Variants in SUPT5H observed in about 807,000 individuals in gnomAD.
The protein encoded by SUPT5H is transcription elongation factor SPT5.
Under a neutral mutation model 142.5 loss-of-function variants are expected in SUPT5H, and 24 were observed. That is an observed-to-expected ratio of 0.17 (90% CI 0.12 to 0.24). The LOEUF (loss-of-function observed/expected upper bound fraction) is 0.24, where lower values mean the gene tolerates loss of function less well. Ranked by LOEUF, SUPT5H falls within the 10% of genes least tolerant of loss-of-function variation. The probability of loss-of-function intolerance (pLI) is 1.00; values close to 1 mark genes in which losing one functional copy is unlikely to be tolerated. For synonymous variants in SUPT5H, 546 were observed against 553.0 expected (o/e 0.99, Z 0.18); for missense variants, 893 against 1,471.8 (o/e 0.61, Z 6.43).
Position 39,459,706 on chromosome 19 carries a change from T to G in SUPT5H, c.555+117T>G, listed in dbSNP as rs933624142. On this transcript the variant is annotated intron_variant, in intron 9 of 29. Coordinates refer to ENST00000432763, the MANE Select transcript of SUPT5H (RefSeq NM_001111020.3). ...TGGCCTGCCAGTCACTTGGTCCTTC[T>G]GTCTCCATCCCTCACTCCACGTTAC... 1.4e-5 allele frequency: 20 copies of G among 1,400,032 alleles called. No homozygotes were observed. The Admixed American group carries it at 3.4e-4, about 24-fold the overall frequency. 86.7% of individuals were successfully genotyped at this position (1,400,032 alleles called of 1,614,324 possible). A position where few individuals can be genotyped will look rare whatever the true frequency, so the allele number is the denominator to read the frequency against.
chr19:39,461,885 A>G (rs1171129137), intron 10 of SUPT5H, among the ~76,000 whole-genome samples: 1 of 151,730 alleles, frequency 6.6e-6, no homozygotes, highest in South Asian at 2.1e-4. Flanking sequence ...ATCCTCCTAC[A>G]TGGTACCCTG....
intron 18 of SUPT5H, 60 bp from the exon 19 acceptor site, chr19:39,471,297 C>T (rs776752202): frequency 9.3e-6 from 15 of 1,604,338 alleles, no homozygotes; most frequent in Admixed American, 1.7e-5. Flanking sequence ...TAGGGAACCC[C>T]TGCCCCGTGT....
chr19:39,453,257 G>C, intron 2 of SUPT5H, 99 bp from the exon 3 acceptor site: 1 of 1,412,820 alleles, frequency 7.1e-7, no homozygotes, highest in Non-Finnish European at 9.4e-7. Flanking sequence ...GCTATGATTG[G>C]CCAGGCCAAT....
intron 2 of SUPT5H, among the ~76,000 whole-genome samples, chr19:39,448,575 G>A (rs969231747): frequency 2.0e-5 from 3 of 151,392 alleles, no homozygotes; most frequent in African/African-American, 7.3e-5. Flanking sequence ...CACCCCCGCC[G>A]CTGGCTCCTC....
chr19:39,453,844 C>T lies in SUPT5H; in HGVS notation c.241+323C>T, dbSNP rs370114546. ...CCTCCCAAAATGCTGGGATTACAGG[C>T]GTGAAGGACCAAAGTTCTTAACTTT... On this transcript the variant is annotated intron_variant, in intron 3 of 29. Coordinates refer to ENST00000432763, the MANE Select transcript of SUPT5H (RefSeq NM_001111020.3). Among the ~76,000 whole-genome samples, 78 of 152,258 alleles carry T rather than the reference C, an allele frequency of 5.1e-4. 1 individual carries two copies. The South Asian group carries it at 0.013, about 25-fold the overall frequency.
intron 3 of SUPT5H, among the ~76,000 whole-genome samples, chr19:39,456,051 C>T (rs534482883): frequency 2.4e-4 from 35 of 147,728 alleles, no homozygotes; most frequent in Non-Finnish European, 4.8e-4. Context: ...CTCAGCTTCC[C>T]GAGTAGCTGG....
chr19:39,465,131 T>C, intron 11 of SUPT5H, 82 bp downstream of exon 11: 1 of 1,529,656 alleles, frequency 6.5e-7, no homozygotes, highest in African/African-American at 1.4e-5. Context: ...CCCACCCTCT[T>C]TGTGCTGCAG....
At chr19:39,459,443 T>C in intron 8 of SUPT5H, 116 bp from the exon 9 acceptor site, 6 of 1,425,758 alleles carry the variant, frequency 4.2e-6, no homozygotes, top group Non-Finnish European at 5.9e-6. Context: ...GGGAAGTCAG[T>C]GAGTGTGAGG....
At chr19:39,462,839 C>CT (rs71169597) in intron 10 of SUPT5H, among the ~76,000 whole-genome samples, 1,522 of 110,308 alleles carry the variant, frequency 0.014, 47 homozygotes, top group Non-Finnish European at 0.018. Flanking sequence ...CCTTAATTTT[C>CT]TTTTTTTTTT....
chr19:39,459,519 C>A, intron 8 of SUPT5H, 40 bp from the exon 9 acceptor site: 1 of 1,612,246 alleles, frequency 6.2e-7, no homozygotes, highest in Non-Finnish European at 8.5e-7. Flanking sequence ...TACTGAAGAT[C>A]CAGCTTCACT....
rs1462745518 is a variant in SUPT5H at position 39,473,964 on chromosome 19, G to A, written c.2494G>A (p.Ala832Thr). 1.7e-5 allele frequency: 27 copies of A among 1,613,816 alleles called. No individual in the cohort carries two copies. The highest frequency in any genetic ancestry group is 2.3e-5 in the Non-Finnish European group (27 of 1,179,960). The change falls in exon 26 of 30, where the codon GCT becomes ACT. Residue 832 changes from alanine (A) to threonine (T), a missense_variant and splice_region_variant. By Grantham distance (58) the Ala-to-Thr change is moderately conservative (BLOSUM62 0). This residue lies in a region of SUPT5H where 336 missense variants were observed against 546.5 expected (regional missense o/e 0.61). Transcript: ENST00000432763. The surrounding 1 kb of genome is among the most constrained non-coding windows in gnomAD (Gnocchi z 5.8). ...GTCAACAGACTTTTCTCCCAACAGGGCTGAGGAAGAATATGAGTATGCTTT... is the reference window on the plus strand; with the variant it reads ...GTCAACAGACTTTTCTCCCAACAGGACTGAGGAAGAATATGAGTATGCTTT... ...DPNNPNTPSR[A>T]EEEYEYAFDD...
chr19:39,453,611 C>G (rs779130756), intron 3 of SUPT5H, 90 bp downstream of exon 3: 19 of 1,394,164 alleles, frequency 1.4e-5, no homozygotes, highest in Non-Finnish European at 1.8e-5. Context: ...CGGAGTCTCG[C>G]TCTGTCGCCC....
intron 9 of SUPT5H, 95 bp from the exon 10 acceptor site, chr19:39,459,797 C>T: frequency 1.4e-6 from 2 of 1,420,474 alleles, no homozygotes; most frequent in Non-Finnish European, 2.0e-6. Flanking sequence ...CTCTCTTGGT[C>T]CTACTTTATT....
At chr19:39,450,624 G>A (rs564802451) in intron 2 of SUPT5H, among the ~76,000 whole-genome samples, 1 of 152,298 alleles carries the variant, frequency 6.6e-6, no homozygotes, top group South Asian at 2.1e-4. Context: ...GCTGAGCAGG[G>A]GAACAAATGG....
At chr19:39,471,789 C>T (rs1462579596) in intron 20 of SUPT5H, 59 bp downstream of exon 20, 3 of 1,568,478 alleles carry the variant, frequency 1.9e-6, no homozygotes, top group East Asian at 2.2e-5. Flanking sequence ...CTCCAAGCCT[C>T]CTCTGGCCCC....
rs1441261257 is a variant in SUPT5H, at chr19:39,453,241, A to T, written c.76-115A>T. 3 of 1,278,026 alleles carry T rather than the reference A, an allele frequency of 2.3e-6. No individual in the cohort carries two copies. In the Admixed American group the frequency reaches 8.1e-5, roughly 35 times the overall value. The allele number at this position is 1,278,026 out of a possible 1,614,324, so 79.2% of individuals were successfully genotyped here. A position where few individuals can be genotyped will look rare whatever the true frequency, so the allele number is the denominator to read the frequency against. ...GAGTGAAAGGGATATATGCAGAGCA[A>T]AGTGGGCTATGATTGGCCAGGCCAA... On this transcript the variant is annotated intron_variant, in intron 2 of 29. Transcript: ENST00000432763.
Position 39,476,176 on chromosome 19 carries a change from G to GGTA in SUPT5H, c.3120+1_3120+3dup. On this transcript the variant is annotated inframe_insertion and splice_region_variant. Coordinates refer to ENST00000432763, the MANE Select transcript of SUPT5H (RefSeq NM_001111020.3). ...CTATCACCCCCACCAAGAACAACAA[G>GGTA]GTAAGGGCAGGGGGCAAGGAGATAA... The GGTA allele has an allele frequency of 6.2e-7, 1 of 1,614,102 alleles. No individual in the cohort carries two copies. Among genetic ancestry groups the GGTA allele is most frequent in the Non-Finnish European group, 8.5e-7 (1 of 1,180,018 alleles).
chr19:39,464,075 C>G (rs1005432068), intron 10 of SUPT5H, among the ~76,000 whole-genome samples: 3 of 151,780 alleles, frequency 2.0e-5, no homozygotes, highest in African/African-American at 7.2e-5. Flanking sequence ...CCTCCACCTC[C>G]CGGGTTCAAG....
intron 8 of SUPT5H, 122 bp from the exon 9 acceptor site, chr19:39,459,437 A>T (rs922292210): frequency 7.2e-7 from 1 of 1,394,292 alleles, no homozygotes; most frequent in Non-Finnish European, 1.0e-6. Context: ...AGCGTGGGGA[A>T]GTCAGTGAGT....
Sources: gnomAD v4.1 joint callset for allele counts (sites outside exome capture counted in the v4.1 genomes callset) on GRCh38, gnomAD v4.1.1 for gene constraint, gnomAD v4.1.1 regional missense constraint, Gnocchi (gnomAD v3.1) non-coding constraint, MANE v1.5 for transcripts, NCBI Gene and HGNC (gene_info 2026-07-23, HGNC 2026-07-21) for gene names.